The following CIMIP6 variants were observed in gnomAD, a reference collection of about 807,000 sequenced individuals.
The protein encoded by CIMIP6 is uncharacterized protein C2orf73.
At chr2:54,346,597 G>A in the CIMIP6 span, among the ~76,000 whole-genome samples, 3 of 152,078 alleles carry the variant, frequency 2.0e-5, no homozygotes, top group Non-Finnish European at 4.4e-5. Flanking sequence ...CCCACCAGGT[G>A]TTCAAGTTTT....
At chr2:54,332,885 G>A in the CIMIP6 span, among the ~76,000 whole-genome samples, 6 of 152,142 alleles carry the variant, frequency 3.9e-5, no homozygotes, top group Non-Finnish European at 5.9e-5. Context: ...ATAGAAAAAG[G>A]TTTAGAAGTT....
the CIMIP6 span, among the ~76,000 whole-genome samples, chr2:54,336,610 G>GA: frequency 0.01 from 1,524 of 152,092 alleles, 28 homozygotes; most frequent in African/African-American, 0.035. Flanking sequence ...GTAAATGGGG[G>GA]AAAAAAATCC....
chr2:54,333,003 T>C, the CIMIP6 span, among the ~76,000 whole-genome samples: 3 of 152,158 alleles, frequency 2.0e-5, no homozygotes, highest in East Asian at 1.9e-4. Flanking sequence ...TTATGTGTAC[T>C]GGAGGGGTGG....
At chr2:54,367,832 G>A in the CIMIP6 span, among the ~76,000 whole-genome samples, 1 of 152,028 alleles carries the variant, frequency 6.6e-6, no homozygotes, top group Non-Finnish European at 1.5e-5. Context: ...GAGAAAATAT[G>A]TTACTTTTTA....
At chr2:54,358,115 G>A in the CIMIP6 span, among the ~76,000 whole-genome samples, 1 of 152,212 alleles carries the variant, frequency 6.6e-6, no homozygotes, top group Admixed American at 6.5e-5. Flanking sequence ...TTATTTAGAA[G>A]TGATTTTTAA....
the CIMIP6 span, among the ~76,000 whole-genome samples, chr2:54,364,124 G>C: frequency 6.6e-6 from 1 of 152,138 alleles, no homozygotes; most frequent in South Asian, 2.1e-4. Flanking sequence ...ATGATTTCCA[G>C]GTTTAAGTCT....
the CIMIP6 span, among the ~76,000 whole-genome samples, chr2:54,371,538 C>T: frequency 6.6e-6 from 1 of 152,242 alleles, no homozygotes; most frequent in African/African-American, 2.4e-5. Context: ...ACCCCACCCC[C>T]ACTCCACACC....
At chr2:54,381,717 C>A in the CIMIP6 span, 7 of 1,305,048 alleles carry the variant, frequency 5.4e-6, no homozygotes, top group East Asian at 2.0e-4. Context: ...GTGCCATCTG[C>A]CCTTTTGAGG....
the CIMIP6 span, chr2:54,334,877 CGAA>C: frequency 6.4e-7 from 1 of 1,558,560 alleles, no homozygotes; most frequent in Admixed American, 1.9e-5. Context: ...AAATTAAACA[CGAA>C]GAAAAACCTG....
At chr2:54,371,785 T>C in the CIMIP6 span, among the ~76,000 whole-genome samples, 2 of 152,200 alleles carry the variant, frequency 1.3e-5, no homozygotes. Context: ...GTTCCAGGCA[T>C]GCTCCTGTTT....
the CIMIP6 span, among the ~76,000 whole-genome samples, chr2:54,333,526 C>T: frequency 1.3e-5 from 2 of 152,128 alleles, no homozygotes; most frequent in African/African-American, 4.8e-5. Context: ...CACACAGGAC[C>T]TCAGAGCTAC....
chr2:54,373,975 C>G, the CIMIP6 span, among the ~76,000 whole-genome samples: 4 of 152,202 alleles, frequency 2.6e-5, no homozygotes, highest in South Asian at 8.3e-4. Context: ...GCCATTAAGT[C>G]TCCACATCAA....
chr2:54,341,701 G>C, the CIMIP6 span, among the ~76,000 whole-genome samples: 5 of 152,192 alleles, frequency 3.3e-5, no homozygotes, highest in African/African-American at 1.2e-4. Context: ...ATATCTTGGG[G>C]AAGTTACTTC....
chr2:54,361,813 A>C, the CIMIP6 span, among the ~76,000 whole-genome samples: 1 of 152,230 alleles, frequency 6.6e-6, no homozygotes, highest in Non-Finnish European at 1.5e-5. Context: ...ATGTTTGGAA[A>C]AAGGTCTTAA....
the CIMIP6 span, among the ~76,000 whole-genome samples, chr2:54,336,196 C>T: frequency 3.9e-5 from 6 of 152,132 alleles, no homozygotes; most frequent in Non-Finnish European, 7.4e-5. Context: ...AGTCATGTTA[C>T]TCCATCACAA....
the CIMIP6 span, among the ~76,000 whole-genome samples, chr2:54,366,364 AT>A: frequency 6.6e-6 from 1 of 152,208 alleles, no homozygotes; most frequent in Non-Finnish European, 1.5e-5. Context: ...ACACACCTGG[AT>A]GGCCTAATCT....
the CIMIP6 span, chr2:54,360,650 A>G: frequency 7.9e-7 from 1 of 1,272,256 alleles, no homozygotes; most frequent in African/African-American, 1.5e-5. Flanking sequence ...CTTTTCTGTT[A>G]TCAGTAACTT....
At chr2:54,381,992 A>G in the CIMIP6 span, 1 of 1,532,722 alleles carries the variant, frequency 6.5e-7, no homozygotes, top group Non-Finnish European at 8.8e-7. Context: ...CACAGTAAGT[A>G]TTAGCAGTTT....
the CIMIP6 span, among the ~76,000 whole-genome samples, chr2:54,374,837 G>A: frequency 1.5e-3 from 223 of 152,190 alleles, no homozygotes; most frequent in Middle Eastern, 3.4e-3. Context: ...CTGGCCCCTC[G>A]CCCCACTCCC....
Sources: allele counts gnomAD v4.1 joint callset (sites outside exome capture counted in the v4.1 genomes callset), GRCh38; gene constraint gnomAD v4.1.1; transcripts MANE v1.5; gene names NCBI Gene and HGNC (gene_info 2026-07-23, HGNC 2026-07-21).